Variants in CHSY3 observed in about 807,000 individuals in gnomAD.
CHSY3 encodes the protein chondroitin sulfate synthase 3.
In CHSY3, 35 loss-of-function variants were observed where a neutral mutation model predicts 67.2. The observed-to-expected ratio is 0.52, with a 90% CI of 0.40 to 0.69. The LOEUF is 0.69. Ranked by LOEUF, CHSY3 falls within the 30% of genes least tolerant of loss-of-function variation. The probability of loss-of-function intolerance (pLI) is 0.00; values close to 1 mark genes in which losing one functional copy is unlikely to be tolerated. For synonymous variants in CHSY3, 474 were observed against 434.7 expected (o/e 1.09, Z -1.12); for missense variants, 1,069 against 1,138.5 (o/e 0.94, Z 0.88).
At chr5:129,920,314 T>G (rs1760877334) in intron 2 of CHSY3, among the ~76,000 whole-genome samples, 1 of 152,156 alleles carries the variant, frequency 6.6e-6, no homozygotes, top group Non-Finnish European at 1.5e-5. Context: ...TGCACGATCT[T>G]GGCTTACTGC....
At chr5:129,951,375 A>C (rs1323425780) in intron 2 of CHSY3, among the ~76,000 whole-genome samples, 1 of 151,910 alleles carries the variant, frequency 6.6e-6, no homozygotes, top group African/African-American at 2.4e-5. Context: ...CAGGCAACAA[A>C]AGCAAAAAAT....
chr5:130,097,989 G>T lies in CHSY3; in HGVS notation c.1087-86240G>T, dbSNP rs188131346. Among the ~76,000 whole-genome samples, 312 of 152,116 alleles carry T rather than the reference G, an allele frequency of 2.1e-3. 3 individuals are homozygous for T. The highest frequency in any genetic ancestry group is 6.8e-3 in the Middle Eastern group (2 of 292). On this transcript the variant is annotated intron_variant, in intron 2 of 2. Coordinates refer to ENST00000305031, the MANE Select transcript of CHSY3 (RefSeq NM_175856.5). ...CCTGCACTCCAGCCTGGGCGACAGA[G>T]CCAGACTCCATCTCAAAAAAAGAAA...
At chr5:129,919,377 C>T (rs184451522) in intron 2 of CHSY3, among the ~76,000 whole-genome samples, 14 of 152,200 alleles carry the variant, frequency 9.2e-5, no homozygotes, top group Admixed American at 9.2e-4. Flanking sequence ...ATCAGTTGCA[C>T]TCAGTGGACA....
chr5:130,046,679 G>A (rs771261688), intron 2 of CHSY3, among the ~76,000 whole-genome samples: 18 of 152,068 alleles, frequency 1.2e-4, no homozygotes, highest in Non-Finnish European at 1.8e-4. Context: ...GAAACTAAAC[G>A]TGGGGGCAGG....
In CHSY3 at chr5:129,905,013, C is replaced by T; in HGVS notation, c.184C>T (p.Pro62Ser). 6.4e-7 allele frequency: 1 copy of T among 1,564,546 alleles called. No homozygotes were observed. Reference protein sequence around the residue: ...AAGPRAGAQQPLPQPQSRPRQ... With the variant: ...AAGPRAGAQQSLPQPQSRPRQ... Reference sequence around the variant, plus strand: ...TGGCCCCCGCGCCGGCGCTCAGCAGCCGCTCCCCCAGCCCCAGTCCCGACC... The same window carrying T: ...TGGCCCCCGCGCCGGCGCTCAGCAGTCGCTCCCCCAGCCCCAGTCCCGACC... The change falls in exon 1 of 3, where the codon CCG becomes TCG. Residue 62 changes from proline to serine, a missense_variant. Pro to Ser is a moderately conservative substitution (Grantham distance 74). This residue lies in a region of CHSY3 where 309 missense variants were observed against 262.5 expected (regional missense o/e 1.18). Coordinates refer to ENST00000305031, the MANE Select transcript of CHSY3 (RefSeq NM_175856.5).
intron 2 of CHSY3, among the ~76,000 whole-genome samples, chr5:130,164,313 T>C (rs1414721156): frequency 6.6e-6 from 1 of 152,016 alleles, no homozygotes; most frequent in Non-Finnish European, 1.5e-5. Flanking sequence ...AGGGAGCAGT[T>C]GTAAAAAAGA....
intron 2 of CHSY3, among the ~76,000 whole-genome samples, chr5:130,057,090 A>T (rs1765559168): frequency 6.6e-6 from 1 of 150,838 alleles, no homozygotes; most frequent in African/African-American, 2.4e-5. Flanking sequence ...CTCCCAGCTA[A>T]TTTTTTTGTA....
At chr5:130,019,857 G>A (rs1417474667) in intron 2 of CHSY3, among the ~76,000 whole-genome samples, 1 of 152,142 alleles carries the variant, frequency 6.6e-6, no homozygotes, top group Non-Finnish European at 1.5e-5. Flanking sequence ...CAATCATATT[G>A]TTTGATCAGT....
At chr5:130,012,834 C>T (rs1038534245) in intron 2 of CHSY3, among the ~76,000 whole-genome samples, 14 of 152,062 alleles carry the variant, frequency 9.2e-5, no homozygotes, top group Non-Finnish European at 1.9e-4. Context: ...TCAAAACACC[C>T]AAGTCATGCC....
chr5:130,177,755 A>T lies in CHSY3; in HGVS notation c.1087-6474A>T, dbSNP rs375825170. 2.0e-4 allele frequency among the ~76,000 whole-genome samples: 30 copies of T among 152,212 alleles called. No homozygotes were observed. The East Asian group carries it at 5.6e-3, about 29-fold the overall frequency. On this transcript the variant is annotated intron_variant, in intron 2 of 2. Transcript: ENST00000305031. ...ATTTCATCGGATTTAGCTTTTATAGAATAAGCCCTTTGAATTTGGAAACTC... is the reference window on the plus strand; with the variant it reads ...ATTTCATCGGATTTAGCTTTTATAGTATAAGCCCTTTGAATTTGGAAACTC...
chr5:130,096,869 A>G (rs1015571164), intron 2 of CHSY3, among the ~76,000 whole-genome samples: 2 of 152,216 alleles, frequency 1.3e-5, no homozygotes, highest in Non-Finnish European at 2.9e-5. Flanking sequence ...CGAATTGTCC[A>G]GAAATTATTA....
intron 2 of CHSY3, among the ~76,000 whole-genome samples, chr5:130,052,578 C>A (rs137880234): frequency 6.6e-6 from 1 of 151,918 alleles, no homozygotes; most frequent in African/African-American, 2.4e-5. Flanking sequence ...ATTTTATGAA[C>A]TGCTGTGAGA....
At chr5:129,986,696 A>G (rs1300159232) in intron 2 of CHSY3, among the ~76,000 whole-genome samples, 2 of 152,140 alleles carry the variant, frequency 1.3e-5, no homozygotes, top group African/African-American at 2.4e-5. Flanking sequence ...AGGCTAGAGT[A>G]CAGCGGCATG....
chr5:129,924,383 C>T (rs924433631), intron 2 of CHSY3, among the ~76,000 whole-genome samples: 4 of 152,060 alleles, frequency 2.6e-5, no homozygotes, highest in African/African-American at 9.7e-5. Flanking sequence ...CGCAGTGGCT[C>T]ATGCCTGTAA....
In CHSY3 at chr5:130,071,537, T is replaced by TTGTGTGTG. The variant is rs3065054; in HGVS notation, c.1087-112662_1087-112655dup. ...AAAAAGATGACATTATAGTAGTTCATTGTGTGTGTGTGTGTGTGTGTGTGT... is the reference window on the plus strand; with the variant it reads ...AAAAAGATGACATTATAGTAGTTCATTGTGTGTGTGTGTGTGTGTGTGTGTGTGTGTGT... On this transcript the variant is annotated intron_variant, in intron 2 of 2. Transcript: ENST00000305031. Among the ~76,000 whole-genome samples, 173 of 141,892 alleles carry TTGTGTGTG rather than the reference T, an allele frequency of 1.2e-3. 2 individuals carry two copies. In the East Asian group the frequency reaches 0.013, roughly 11 times the overall value. The allele number at this position is 141,892 out of a possible 152,430, so 93.1% of individuals were successfully genotyped here.
At chr5:130,142,450 G>C (rs765371216) in intron 2 of CHSY3, among the ~76,000 whole-genome samples, 2 of 152,034 alleles carry the variant, frequency 1.3e-5, no homozygotes, top group African/African-American at 4.8e-5. Flanking sequence ...CTGAAACCTC[G>C]CTTTTTGGAA....
intron 2 of CHSY3, among the ~76,000 whole-genome samples, chr5:130,115,680 T>G (rs1767768941): frequency 6.6e-6 from 1 of 152,208 alleles, no homozygotes; most frequent in Non-Finnish European, 1.5e-5. Flanking sequence ...AGGGCCCAAT[T>G]ATTCACTTCT....
chr5:130,044,333 A>G (rs916565009), intron 2 of CHSY3, among the ~76,000 whole-genome samples: 25 of 152,110 alleles, frequency 1.6e-4, no homozygotes, highest in Admixed American at 1.5e-3. Flanking sequence ...TGTGGCTAAA[A>G]TATGATGGTA....
chr5:129,984,884 T>G (rs1036992362), intron 2 of CHSY3, among the ~76,000 whole-genome samples: 2 of 152,156 alleles, frequency 1.3e-5, no homozygotes, highest in Non-Finnish European at 2.9e-5. Flanking sequence ...GTTTTTTGCT[T>G]GTTGATTTGT....
Sources: gnomAD v4.1 joint callset for allele counts (sites outside exome capture counted in the v4.1 genomes callset) on GRCh38, gnomAD v4.1.1 for gene constraint, gnomAD v4.1.1 regional missense constraint, MANE v1.5 for transcripts, NCBI Gene and HGNC (gene_info 2026-07-23, HGNC 2026-07-21) for gene names.